The following DEPDC5 variants were observed in gnomAD, a reference collection of about 807,000 sequenced individuals.
DEPDC5 encodes GATOR1 complex protein DEPDC5.
A neutral mutation model predicts 217.3 loss-of-function variants in DEPDC5; 73 were observed. That is an observed-to-expected ratio of 0.34 (90% CI 0.28 to 0.41). The LOEUF (loss-of-function observed/expected upper bound fraction) is 0.41, where lower values mean the gene tolerates loss of function less well. DEPDC5 is among the 10% of genes least tolerant of loss of function. The probability of loss-of-function intolerance (pLI) is 1.00; values close to 1 mark genes in which losing one functional copy is unlikely to be tolerated. For missense variants in DEPDC5, 1,675 were observed against 2,070.1 expected (o/e 0.81, Z 3.70); for synonymous variants, 733 against 756.7 (o/e 0.97, Z 0.51).
chr22:31,898,288 A>G (rs1228587011), intron 40 of DEPDC5, among the ~76,000 whole-genome samples: 7 of 152,054 alleles, frequency 4.6e-5, no homozygotes, highest in Non-Finnish European at 1.5e-5. Context: ...CTGCTGCTCT[A>G]CCCCAGAGCC....
chr22:31,839,147 A>G (rs1020245494), intron 27 of DEPDC5, among the ~76,000 whole-genome samples: 3 of 152,240 alleles, frequency 2.0e-5, no homozygotes, highest in Non-Finnish European at 4.4e-5. Context: ...CTGAGCTGTC[A>G]ACGTTTCTAA....
chr22:31,848,221 T>G (rs370046764), intron 31 of DEPDC5, among the ~76,000 whole-genome samples: 2 of 152,288 alleles, frequency 1.3e-5, no homozygotes, highest in South Asian at 2.1e-4. Flanking sequence ...CTGCCACTTT[T>G]CCAGATGCAT....
intron 32 of DEPDC5, among the ~76,000 whole-genome samples, chr22:31,860,494 G>T (rs915861486): frequency 6.6e-6 from 1 of 152,150 alleles, no homozygotes; most frequent in Non-Finnish European, 1.5e-5. Flanking sequence ...AAAGTAAAAA[G>T]ATTCCGAAAG....
At chr22:31,784,212 G>A (rs2084750348) in intron 9 of DEPDC5, 1 of 378,234 alleles carries the variant, frequency 2.6e-6, no homozygotes, top group Non-Finnish European at 4.8e-6. Context: ...TGAAGTCATA[G>A]CCTCTTAGTA....
chr22:31,862,751 C>G (rs947025183), intron 33 of DEPDC5, among the ~76,000 whole-genome samples: 1 of 150,296 alleles, frequency 6.7e-6, no homozygotes, highest in Non-Finnish European at 1.5e-5. Flanking sequence ...TGTAGGTCTT[C>G]GGATATCCCC....
At chr22:31,790,715 TATG>T in intron 10 of DEPDC5, among the ~76,000 whole-genome samples, 1 of 152,110 alleles carries the variant, frequency 6.6e-6, no homozygotes, top group East Asian at 1.9e-4. Context: ...GCCTGGGGAT[TATG>T]ATGAAACCCT....
intron 35 of DEPDC5, 76 bp downstream of exon 35, chr22:31,873,408 T>C (rs551469898): frequency 1.2e-5 from 19 of 1,523,904 alleles, no homozygotes; most frequent in Non-Finnish European, 1.7e-5. Context: ...GCAGCGTGGT[T>C]TGGTAGATTT....
intron 18 of DEPDC5, among the ~76,000 whole-genome samples, chr22:31,808,937 A>G (rs529197976): frequency 2.0e-5 from 3 of 152,010 alleles, no homozygotes; most frequent in Non-Finnish European, 4.4e-5. Flanking sequence ...GATTAAATAT[A>G]TATATATAAA....
At chr22:31,894,858 A>G (rs2093516124) in intron 39 of DEPDC5, 1 of 148,444 alleles carries the variant, frequency 6.7e-6, no homozygotes, top group Non-Finnish European at 1.5e-5. Flanking sequence ...AAAAAAAGGA[A>G]AAAAAAAAAG....
At position 31,810,518 on chromosome 22, in the gene DEPDC5, C is replaced by T. The variant is rs1395486925; in HGVS notation, c.1325-3C>T. Reference sequence around the variant, plus strand: ...GACAATTTATATTATTTGTGTATTTCAGCTCTCGGGAGTCCAAAAGAATCT... The same window carrying T: ...GACAATTTATATTATTTGTGTATTTTAGCTCTCGGGAGTCCAAAAGAATCT... On this transcript the variant is annotated splice_region_variant and splice_polypyrimidine_tract_variant and intron_variant, in intron 19 of 42. Transcript: ENST00000651528. 1 of 1,613,870 alleles carries T rather than the reference C, an allele frequency of 6.2e-7. No homozygotes were observed. The highest frequency in any genetic ancestry group is 8.5e-7 in the Non-Finnish European group (1 of 1,179,982).
chr22:31,822,784 G>T lies in DEPDC5; in HGVS notation c.2098G>T (p.Gly700Cys), dbSNP rs767158228. Residue 700 changes from glycine (G) to cysteine (C), a missense_variant, in exon 24 of 43, where the codon GGT becomes TGT. Physicochemically the swap from Gly to Cys is radical, Grantham distance 159 (BLOSUM62 -3). Coordinates refer to ENST00000651528, the MANE Select transcript of DEPDC5 (RefSeq NM_001242896.3). Reference protein sequence around the residue: ...ELSVGLLSNSGAGMNPRTQNK... With the variant: ...ELSVGLLSNSCAGMNPRTQNK... ...TTCTGTCGGCCTGCTTAGCAACAGT[G>T]GTGCAGGTAACCAATCCAAGAGGTA... 1.9e-6 allele frequency: 3 copies of T among 1,613,828 alleles called. No individual in the cohort carries two copies. In the Admixed American group the frequency reaches 5.0e-5, roughly 27 times the overall value.
At chr22:31,885,274 T>C (rs1031076998) in intron 38 of DEPDC5, among the ~76,000 whole-genome samples, 1 of 152,186 alleles carries the variant, frequency 6.6e-6, no homozygotes, top group Non-Finnish European at 1.5e-5. Flanking sequence ...CCGCCTCCTA[T>C]GTACTCTGCT....
Position 31,821,494 on chromosome 22 carries a change from C to G in DEPDC5, c.1871-8C>G. On this transcript the variant is annotated splice_polypyrimidine_tract_variant and splice_region_variant and intron_variant, in intron 22 of 42. Transcript: ENST00000651528. The stretch of plus-strand genomic sequence containing the variant: ...GGAATGATGCTCAGTGGTTCTTTAT[C>G]TGGGTAGGGCCATCCGGAGAAGCCA... The G allele has an allele frequency of 1.2e-6, 2 of 1,613,774 alleles. No individual in the cohort carries two copies. Among genetic ancestry groups the G allele is most frequent in the Non-Finnish European group, 8.5e-7 (1 of 1,179,722 alleles).
intron 21 of DEPDC5, chr22:31,817,422 T>C: frequency 2.1e-6 from 1 of 471,654 alleles, no homozygotes. Flanking sequence ...AGTGACATCT[T>C]TCATATACTT....
chr22:31,805,469 A>C (rs2087400404), intron 17 of DEPDC5, among the ~76,000 whole-genome samples: 2 of 151,620 alleles, frequency 1.3e-5, no homozygotes, highest in African/African-American at 4.8e-5. Flanking sequence ...GTGCTTCCAG[A>C]GCATTCTATC....
At position 31,856,328 on chromosome 22, in the gene DEPDC5, A is replaced by G. The variant is rs1173127480; in HGVS notation, c.3156-1117A>G. Among the ~76,000 whole-genome samples the G allele has an allele frequency of 2.0e-5, 3 of 152,194 alleles. No homozygotes were observed. The East Asian group carries it at 5.8e-4, about 29-fold the overall frequency. ...CAACAACTGAGACAGAGCCTCCTAGACAGCCCTCTCAGTGCTGGGACAACA... is the reference window on the plus strand; with the variant it reads ...CAACAACTGAGACAGAGCCTCCTAGGCAGCCCTCTCAGTGCTGGGACAACA... On this transcript the variant is annotated intron_variant, in intron 31 of 42. Coordinates refer to ENST00000651528, the MANE Select transcript of DEPDC5 (RefSeq NM_001242896.3).
intron 15 of DEPDC5, among the ~76,000 whole-genome samples, chr22:31,803,159 G>A (rs2087066689): frequency 6.6e-6 from 1 of 152,038 alleles, no homozygotes; most frequent in South Asian, 2.1e-4. Flanking sequence ...CACTAGAGAA[G>A]CCTTCCTGGA....
At position 31,839,873 on chromosome 22, in the gene DEPDC5, G is replaced by A. The variant is rs114858530; in HGVS notation, c.2515+1028G>A. Among the ~76,000 whole-genome samples the A allele has an allele frequency of 3.1e-3, 478 of 152,292 alleles. 4 individuals are homozygous for A. Among genetic ancestry groups the A allele is most frequent in the African/African-American group, 0.011 (458 of 41,548 alleles). On this transcript the variant is annotated intron_variant, in intron 27 of 42. Transcript: ENST00000651528. Reference sequence around the variant, plus strand: ...AATAAGTATATGAATTTGGCTGGGCGTAATCCTAGCACGTTGGGAGGCTGA... The same window carrying A: ...AATAAGTATATGAATTTGGCTGGGCATAATCCTAGCACGTTGGGAGGCTGA...
chr22:31,826,612 C>G (rs1272254568), intron 24 of DEPDC5: 1 of 334,016 alleles, frequency 3.0e-6, no homozygotes, highest in Non-Finnish European at 5.9e-6. Flanking sequence ...GGTTCCCCCT[C>G]CTTCCCATGC....
Sources: allele counts gnomAD v4.1 joint callset (sites outside exome capture counted in the v4.1 genomes callset), GRCh38; gene constraint gnomAD v4.1.1; transcripts MANE v1.5; gene names NCBI Gene and HGNC (gene_info 2026-07-23, HGNC 2026-07-21).